The following ESYT2 variants were observed in gnomAD, a reference collection of about 807,000 sequenced individuals.
ESYT2 encodes extended synaptotagmin-2.
A neutral mutation model predicts 107.2 loss-of-function variants in ESYT2; 54 were observed. The ratio of observed to expected loss-of-function variants is 0.50; its 90% CI spans 0.40 to 0.63. ESYT2 has a LOEUF of 0.63. ESYT2 is among the 30% of genes least tolerant of loss of function. The pLI is 0.00. For missense variants in ESYT2, 1,020 were observed against 1,094.5 expected (o/e 0.93, Z 0.96); for synonymous variants, 491 against 434.1 (o/e 1.13, Z -1.63).
intron 7 of ESYT2, among the ~76,000 whole-genome samples, chr7:158,769,626 A>C: frequency 6.6e-6 from 1 of 152,066 alleles, no homozygotes; most frequent in East Asian, 1.9e-4. Flanking sequence ...CCCTTCTTAA[A>C]CCTTCAACAC....
Position 158,749,707 on chromosome 7 carries a change from C to T in ESYT2, c.1499G>A (p.Ser500Asn), listed in dbSNP as rs979020563. 6 of 1,613,726 alleles carry T rather than the reference C, an allele frequency of 3.7e-6. No individual in the cohort carries two copies. The highest frequency in any genetic ancestry group is 5.1e-6 in the Non-Finnish European group (6 of 1,179,922). ...CTGGACAACAGGATTTGGGTTGCTGCTTATTTTCTTCCCTGACTACCCAAA... is the reference window on the plus strand; with the variant it reads ...CTGGACAACAGGATTTGGGTTGCTGTTTATTTTCTTCCCTGACTACCCAAA... ...QRALKSGKKI[S>N]SNPNPVVQMS... Residue 500 changes from serine (S) to asparagine (N), a missense_variant, in exon 15 of 23, where the codon AGC (serine) becomes AAC (asparagine). Physicochemically the swap from Ser to Asn is conservative, Grantham distance 46. Coordinates refer to ENST00000275418, the MANE Select transcript of ESYT2 (RefSeq NM_001367773.1).
intron 1 of ESYT2, among the ~76,000 whole-genome samples, chr7:158,805,124 G>T (rs1265342052): frequency 2.6e-5 from 4 of 152,170 alleles, no homozygotes; most frequent in Non-Finnish European, 5.9e-5. Flanking sequence ...CCCCACAGCT[G>T]GGCTGCTGAA....
Position 158,771,058 on chromosome 7 carries a change from AAATAG to A in ESYT2, c.803+2278_803+2282del, listed in dbSNP as rs1290604013. On this transcript the variant is annotated intron_variant, in intron 7 of 22. Coordinates refer to ENST00000275418, the MANE Select transcript of ESYT2 (RefSeq NM_001367773.1). Reference sequence around the variant, plus strand: ...AAAAAGAGCCTACATAAAAATTATTAAATAGAATGGAGCTATACATGTATATTTAT... The same window carrying A: ...AAAAAGAGCCTACATAAAAATTATTAAATGGAGCTATACATGTATATTTAT... Among the ~76,000 whole-genome samples, 11 of 152,328 alleles carry A rather than the reference AAATAG, an allele frequency of 7.2e-5. No individual in the cohort carries two copies. In the South Asian group the frequency reaches 1.9e-3, roughly 26 times the overall value.
At chr7:158,773,189 C>T in intron 7 of ESYT2, 152 bp downstream of exon 7, 2 of 858,776 alleles carry the variant, frequency 2.3e-6, no homozygotes, top group Admixed American at 4.1e-5. Context: ...AGCCCCTGTA[C>T]CCTCTGCTTG....
intron 17 of ESYT2, 79 bp from the exon 18 acceptor site, chr7:158,741,975 T>C: frequency 6.9e-7 from 1 of 1,442,536 alleles, no homozygotes; most frequent in Non-Finnish European, 9.2e-7. Context: ...TGGGATGTCT[T>C]TACCTGCAAA....
chr7:158,827,164 A>AAAG (rs1168306453), intron 1 of ESYT2, among the ~76,000 whole-genome samples: 2 of 115,864 alleles, frequency 1.7e-5, no homozygotes, highest in East Asian at 3.9e-4. Flanking sequence ...CTCTGTCTCA[A>AAAG]AAAAAAAAAA....
chr7:158,789,844 T>G (rs1201877518), intron 4 of ESYT2, among the ~76,000 whole-genome samples: 3 of 152,182 alleles, frequency 2.0e-5, no homozygotes, highest in Non-Finnish European at 4.4e-5. Flanking sequence ...TGATGCGTAT[T>G]TGTTCAGAGA....
intron 21 of ESYT2, among the ~76,000 whole-genome samples, chr7:158,734,685 G>A (rs977068407): frequency 6.6e-6 from 1 of 152,234 alleles, no homozygotes; most frequent in Non-Finnish European, 1.5e-5. Flanking sequence ...AGCAACTCGG[G>A]AGGCTGAGAC....
Position 158,741,472 on chromosome 7 carries a change from T to TGGG in ESYT2, c.2168+48_2168+50dup, listed in dbSNP as rs66689505. ...TAAACGACTCTCCCCCAGCGTGGGG[T>TGGG]GGGGGGCGCTTGCTCTGCTGGTGAG... On this transcript the variant is annotated intron_variant, in intron 18 of 22. Coordinates refer to ENST00000275418, the MANE Select transcript of ESYT2 (RefSeq NM_001367773.1). The TGGG allele has an allele frequency of 6.6e-6, 10 of 1,508,692 alleles. No homozygotes were observed. In the African/African-American group the frequency reaches 1.3e-4, roughly 19 times the overall value. The allele number at this position is 1,508,692 out of a possible 1,614,324, so 93.5% of individuals were successfully genotyped here.
intron 6 of ESYT2, among the ~76,000 whole-genome samples, chr7:158,777,996 T>A (rs1204569911): frequency 6.6e-6 from 1 of 152,208 alleles, no homozygotes; most frequent in Non-Finnish European, 1.5e-5. Context: ...AAAAACACAG[T>A]ATCTACGAAG....
intron 16 of ESYT2, among the ~76,000 whole-genome samples, chr7:158,747,176 G>T (rs548231763): frequency 5.3e-5 from 8 of 151,478 alleles, no homozygotes; most frequent in Non-Finnish European, 1.2e-4. Context: ...GTGAAACCCC[G>T]TCTCCACTAA....
intron 16 of ESYT2, among the ~76,000 whole-genome samples, 172 bp downstream of exon 16, chr7:158,748,022 G>A (rs1232447429): frequency 1.3e-5 from 2 of 152,336 alleles, no homozygotes; most frequent in South Asian, 2.1e-4. Flanking sequence ...CCAAAGGCAG[G>A]TCTGTGTTTG....
chr7:158,815,542 C>T (rs1286745052), intron 1 of ESYT2, among the ~76,000 whole-genome samples: 1 of 152,142 alleles, frequency 6.6e-6, no homozygotes, highest in Non-Finnish European at 1.5e-5. Context: ...TCTTGCTAAA[C>T]CCCCCTTTTA....
chr7:158,750,951 C>T (rs958554935), intron 14 of ESYT2, among the ~76,000 whole-genome samples: 1 of 152,216 alleles, frequency 6.6e-6, no homozygotes, highest in African/African-American at 2.4e-5. Context: ...ACTGCTACTT[C>T]TAAGTCAGTT....
rs57351086 is a variant in ESYT2 at position 158,798,646 on chromosome 7, C to CAAAAAAAAAAAA, written c.372+373_372+384dup. ...GGGCAACAAGAGTGAAGCTCCGTCT[C>CAAAAAAAAAAAA]AAAAAAAAAAAAAAAAAAAAAAAAA... is the stretch of plus-strand genomic sequence containing the variant. On this transcript the variant is annotated intron_variant, in intron 2 of 22. Coordinates refer to ENST00000275418, the MANE Select transcript of ESYT2 (RefSeq NM_001367773.1). Among the ~76,000 whole-genome samples the CAAAAAAAAAAAA allele has an allele frequency of 6.2e-4, 31 of 49,854 alleles. 1 individual carries two copies. Among genetic ancestry groups the CAAAAAAAAAAAA allele is most frequent in the South Asian group, 2.7e-3 (2 of 732 alleles). The allele number at this position is 49,854 out of a possible 152,430, so 32.7% of individuals were successfully genotyped here. A position where few individuals can be genotyped will look rare whatever the true frequency, so the allele number is the denominator to read the frequency against.
Position 158,732,807 on chromosome 7 carries a change from CAT to C in ESYT2, c.*1398_*1399del, listed in dbSNP as rs1235333763. ...CTATACTTTCCTTAATATATTTACA[CAT>C]AGTTTTAAGATGTTCTCATGGCTAT... On this transcript the variant is annotated 3_prime_UTR_variant, in exon 23 of 23. Transcript: ENST00000275418. 2.3e-4 allele frequency: 35 copies of C among 152,472 alleles called. No homozygotes were observed. Among genetic ancestry groups the C allele is most frequent in the African/African-American group, 8.2e-4 (34 of 41,452 alleles). 9.4% of individuals were successfully genotyped at this position (152,472 alleles called of 1,614,324 possible).
chr7:158,763,703 T>C (rs931449487), intron 9 of ESYT2, among the ~76,000 whole-genome samples: 1 of 152,108 alleles, frequency 6.6e-6, no homozygotes, highest in South Asian at 2.1e-4. Context: ...ACCGTGCTTG[T>C]TTCTAGGGAT....
intron 1 of ESYT2, among the ~76,000 whole-genome samples, chr7:158,801,668 G>C (rs997887075): frequency 6.6e-6 from 1 of 151,774 alleles, no homozygotes; most frequent in African/African-American, 2.4e-5. Flanking sequence ...TCTCTCTTAA[G>C]TTCTAATTAT....
intron 2 of ESYT2, 37 bp downstream of exon 2, chr7:158,798,993 TC>T (rs751827610): frequency 6.3e-7 from 1 of 1,577,078 alleles, no homozygotes; most frequent in Non-Finnish European, 8.7e-7. Context: ...ATCCTCCAAT[TC>T]CACTGATGGA....
Sources: gnomAD v4.1 joint callset for allele counts (sites outside exome capture counted in the v4.1 genomes callset) on GRCh38, gnomAD v4.1.1 for gene constraint, MANE v1.5 for transcripts, NCBI Gene and HGNC (gene_info 2026-07-23, HGNC 2026-07-21) for gene names.